The following TDRD7 variants were observed in gnomAD, a reference collection of about 807,000 sequenced individuals.
The protein encoded by TDRD7 is tudor domain-containing protein 7.
A neutral mutation model predicts 109.8 loss-of-function variants in TDRD7; 47 were observed. The ratio of observed to expected loss-of-function variants is 0.43; its 90% CI spans 0.34 to 0.55. The LOEUF (loss-of-function observed/expected upper bound fraction) is 0.55, where lower values mean the gene tolerates loss of function less well. Ranked by LOEUF, TDRD7 falls within the 20% of genes least tolerant of loss-of-function variation. TDRD7 has a pLI of 0.03. For missense variants in TDRD7, 1,164 were observed against 1,319.2 expected (o/e 0.88, Z 1.82); for synonymous variants, 424 against 457.3 (o/e 0.93, Z 0.93).
chr9:97,420,244 TA>T (rs1827876557), intron 1 of TDRD7, among the ~76,000 whole-genome samples: 2 of 151,910 alleles, frequency 1.3e-5, no homozygotes, highest in Admixed American at 6.6e-5. Context: ...CACAAAGCAC[TA>T]GGCAAAAATA....
At chr9:97,440,531 T>C (rs1828284441) in intron 5 of TDRD7, among the ~76,000 whole-genome samples, 1 of 152,204 alleles carries the variant, frequency 6.6e-6, no homozygotes, top group African/African-American at 2.4e-5. Context: ...ATACCCTTAA[T>C]AGGAAATATA....
intron 1 of TDRD7, among the ~76,000 whole-genome samples, chr9:97,417,350 A>G (rs1288256470): frequency 6.6e-6 from 1 of 152,170 alleles, no homozygotes; most frequent in East Asian, 1.9e-4. Flanking sequence ...GTGACGTGAT[A>G]TAATAGTATA....
intron 4 of TDRD7, among the ~76,000 whole-genome samples, chr9:97,435,369 C>T (rs919073382): frequency 4.6e-5 from 7 of 151,780 alleles, no homozygotes; most frequent in African/African-American, 1.7e-4. Context: ...ATGGCTCATG[C>T]CTGTAATTCC....
intron 16 of TDRD7, among the ~76,000 whole-genome samples, chr9:97,490,547 G>A (rs1321045263): frequency 2.7e-5 from 3 of 112,584 alleles, no homozygotes; most frequent in African/African-American, 8.7e-5. Flanking sequence ...GATATATTTT[G>A]GTGGGGGGGG....
intron 1 of TDRD7, among the ~76,000 whole-genome samples, chr9:97,414,497 A>G (rs1827779987): frequency 6.6e-6 from 1 of 152,368 alleles, no homozygotes; most frequent in South Asian, 2.1e-4. Flanking sequence ...TCCTTGTGAA[A>G]AAAAGAGACC....
chr9:97,466,795 A>AG (rs1828828427), intron 8 of TDRD7, among the ~76,000 whole-genome samples: 2 of 152,258 alleles, frequency 1.3e-5, no homozygotes, highest in East Asian at 3.9e-4. Context: ...CAGGAGGTGG[A>AG]GGGGGGCTAA....
chr9:97,417,372 A>G (rs964754981), intron 1 of TDRD7, among the ~76,000 whole-genome samples: 2 of 152,186 alleles, frequency 1.3e-5, no homozygotes, highest in African/African-American at 4.8e-5. Context: ...ATTATATGAA[A>G]AGATCACTCA....
chr9:97,494,710 ATATTTTT>A (rs1474014379), intron 16 of TDRD7, among the ~76,000 whole-genome samples: 3 of 99,716 alleles, frequency 3.0e-5, no homozygotes, highest in African/African-American at 1.1e-4. Flanking sequence ...ATATATATAT[ATATTTTT>A]TTTTTTTTCG....
At chr9:97,491,712 G>A (rs780764077) in intron 16 of TDRD7, among the ~76,000 whole-genome samples, 5 of 152,186 alleles carry the variant, frequency 3.3e-5, no homozygotes, top group Non-Finnish European at 7.3e-5. Flanking sequence ...CCTTCCCCCA[G>A]GAAGGTTAAG....
Position 97,460,480 on chromosome 9 carries a change from T to A in TDRD7, c.1158T>A (p.Asp386Glu). 6.2e-7 allele frequency: 1 copy of A among 1,614,214 alleles called. No individual in the cohort carries two copies. The highest frequency in any genetic ancestry group is 8.5e-7 in the Non-Finnish European group (1 of 1,180,036). The change falls in exon 7 of 17, where the codon GAT (aspartate) becomes GAA (glutamate). Residue 386 changes from aspartate to glutamate, a missense_variant. Physicochemically the swap from Asp to Glu is conservative, Grantham distance 45. Transcript: ENST00000355295. ...DALKNLASLS[D>E]VCSIDYISGN... The stretch of plus-strand genomic sequence containing the variant: ...TAAAAAATCTTGCCTCACTTTCTGA[T>A]GTATGCAGCATAGACTACATTTCTG...
intron 16 of TDRD7, among the ~76,000 whole-genome samples, chr9:97,495,139 A>G (rs7865824): frequency 0.54 from 81,550 of 151,984 alleles, 22,112 homozygotes; most frequent in African/African-American, 0.61. Flanking sequence ...CTAAGACCAC[A>G]CCACCCGATA....
chr9:97,474,841 A>G (rs1828987992), intron 11 of TDRD7, among the ~76,000 whole-genome samples: 1 of 152,126 alleles, frequency 6.6e-6, no homozygotes, highest in South Asian at 2.1e-4. Context: ...GGTACCCCCA[A>G]CTTCAAACTA....
intron 1 of TDRD7, among the ~76,000 whole-genome samples, chr9:97,423,784 T>C (rs1413816118): frequency 6.6e-6 from 1 of 152,180 alleles, no homozygotes; most frequent in East Asian, 1.9e-4. Context: ...TTTAGAAGTA[T>C]CTTGTTAAAT....
chr9:97,490,864 T>TTTATAGTG (rs948810942), intron 16 of TDRD7, among the ~76,000 whole-genome samples: 1 of 151,666 alleles, frequency 6.6e-6, no homozygotes, highest in African/African-American at 2.4e-5. Flanking sequence ...CTTATTTTCT[T>TTTATAGTG]TTATAGTGTT....
intron 16 of TDRD7, among the ~76,000 whole-genome samples, chr9:97,492,213 A>G (rs1371777605): frequency 6.6e-6 from 1 of 152,190 alleles, no homozygotes; most frequent in Non-Finnish European, 1.5e-5. Flanking sequence ...GGCAGTAGCA[A>G]CTTCTAAGCT....
intron 8 of TDRD7, among the ~76,000 whole-genome samples, chr9:97,468,504 A>G (rs929891940): frequency 2.0e-5 from 3 of 152,226 alleles, no homozygotes; most frequent in Admixed American, 6.5e-5. Flanking sequence ...CCGGGCCTGA[A>G]CTTGTTCCCC....
chr9:97,460,680 C>G lies in TDRD7; in HGVS notation c.1358C>G (p.Thr453Arg). Residue 453 changes from threonine (T) to arginine (R), a missense_variant, in exon 7 of 17, where the codon ACA becomes AGA. By Grantham distance (71) the Thr-to-Arg change is moderately conservative (BLOSUM62 -1). Transcript: ENST00000355295. ...ESANTFMEDI[T>R]VPPLMIPTEA... Reference sequence around the variant, plus strand: ...GCTAATACCTTTATGGAGGACATAACAGTTCCTCCTTTAATGATTCCAACT... The same window carrying G: ...GCTAATACCTTTATGGAGGACATAAGAGTTCCTCCTTTAATGATTCCAACT... 2 of 1,614,020 alleles carry G rather than the reference C, an allele frequency of 1.2e-6. No individual in the cohort carries two copies. Among genetic ancestry groups the G allele is most frequent in the Non-Finnish European group, 1.7e-6 (2 of 1,179,894 alleles).
intron 6 of TDRD7, among the ~76,000 whole-genome samples, chr9:97,444,348 T>C (rs1483434294): frequency 6.6e-6 from 1 of 152,254 alleles, no homozygotes; most frequent in Non-Finnish European, 1.5e-5. Flanking sequence ...ACACCAATCA[T>C]ATTGATGTCT....
At position 97,445,984 on chromosome 9, in the gene TDRD7, T is replaced by G. The variant is rs191781905; in HGVS notation, c.855+4109T>G. ...CTACAAAAAATAAATTTAAAAAAAT[T>G]AGCTGGGCATGGTGATGCATGCTTG... is the stretch of plus-strand genomic sequence containing the variant. On this transcript the variant is annotated intron_variant, in intron 6 of 16. Transcript: ENST00000355295. 4.6e-4 allele frequency among the ~76,000 whole-genome samples: 70 copies of G among 152,190 alleles called. 1 individual carries two copies. In the East Asian group the frequency reaches 0.01, roughly 22 times the overall value.
Sources: allele counts gnomAD v4.1 joint callset (sites outside exome capture counted in the v4.1 genomes callset), GRCh38; gene constraint gnomAD v4.1.1; transcripts MANE v1.5; gene names NCBI Gene and HGNC (gene_info 2026-07-23, HGNC 2026-07-21).